TTC8: variants seen among roughly 807,000 people sequenced by gnomAD.
TTC8 encodes the protein tetratricopeptide repeat protein 8.
In TTC8, 47 loss-of-function variants were observed where a neutral mutation model predicts 72.5. The observed-to-expected ratio is 0.65, with a 90% CI of 0.51 to 0.83. The LOEUF (loss-of-function observed/expected upper bound fraction) is 0.83, where lower values mean the gene tolerates loss of function less well. Ranked by LOEUF, TTC8 falls within the 40% of genes least tolerant of loss-of-function variation. The probability of loss-of-function intolerance (pLI) is 0.00; values close to 1 mark genes in which losing one functional copy is unlikely to be tolerated. For synonymous variants in TTC8, 199 were observed against 221.4 expected (o/e 0.90, Z 0.90); for missense variants, 611 against 623.2 (o/e 0.98, Z 0.21).
rs188589088 is a variant in TTC8, at chr14:88,833,525, T to C, written c.115-168T>C. Among the ~76,000 whole-genome samples, 66 of 152,374 alleles carry C rather than the reference T, an allele frequency of 4.3e-4. No individual in the cohort carries two copies. The East Asian group carries it at 9.8e-3, about 23-fold the overall frequency. The stretch of plus-strand genomic sequence containing the variant: ...TTTAGCATTCTTCAATGTATATTCA[T>C]TTTACACAACTCTTGAGAACACTTC... On this transcript the variant is annotated intron_variant, in intron 1 of 14. Coordinates refer to ENST00000380656, the MANE Select transcript of TTC8 (RefSeq NM_144596.4).
rs985378079 is a variant in TTC8, at chr14:88,841,041, A to G, written c.334A>G (p.Ile112Val). 2 of 1,614,096 alleles carry G rather than the reference A, an allele frequency of 1.2e-6. No individual in the cohort carries two copies. Among genetic ancestry groups the G allele is most frequent in the Non-Finnish European group, 1.7e-6 (2 of 1,179,988 alleles). ...AACAATTTATAATCTTCACAGGCCA[A>G]TCACACAAGCTGGAAGACCCATTAC... The part of the protein sequence containing the change: ...TGGPSQAVRP[I>V]TQAGRPITGF... Residue 112 changes from isoleucine (I) to valine (V), a missense_variant, in exon 5 of 15, where the codon ATC (isoleucine) becomes GTC (valine). Physicochemically the swap from Ile to Val is conservative, Grantham distance 29. Coordinates refer to ENST00000380656, the MANE Select transcript of TTC8 (RefSeq NM_144596.4).
chr14:88,876,272 A>C (rs2094957030), intron 14 of TTC8, among the ~76,000 whole-genome samples: 1 of 152,212 alleles, frequency 6.6e-6, no homozygotes, highest in South Asian at 2.1e-4. Flanking sequence ...AAAAGGCTGC[A>C]CTTCCATAAC....
intron 9 of TTC8, among the ~76,000 whole-genome samples, chr14:88,859,744 G>A (rs1012501855): frequency 1.3e-5 from 2 of 148,250 alleles, no homozygotes; most frequent in Admixed American, 6.9e-5. Flanking sequence ...ACAACATAGT[G>A]AGACTCATCT....
intron 9 of TTC8, among the ~76,000 whole-genome samples, chr14:88,858,639 G>A (rs543374050): frequency 1.3e-5 from 2 of 151,898 alleles, no homozygotes; most frequent in South Asian, 4.2e-4. Flanking sequence ...TGTCACCCAG[G>A]CTGGAGTGCA....
At chr14:88,830,914 C>G (rs993343398) in intron 1 of TTC8, 4 of 456,072 alleles carry the variant, frequency 8.8e-6, no homozygotes, top group Non-Finnish European at 1.3e-5. Context: ...CATGCCTGTC[C>G]TTGGTCTCTC....
At chr14:88,843,711 C>T in intron 6 of TTC8, 95 bp from the exon 7 acceptor site, 2 of 796,278 alleles carry the variant, frequency 2.5e-6, no homozygotes, top group Non-Finnish European at 2.0e-6. Context: ...ATGGATAGGC[C>T]CTTTTATCTA....
At position 88,824,838 on chromosome 14, in the gene TTC8, G is replaced by A; in HGVS notation, c.114+17G>A. 1 of 1,599,446 alleles carries A rather than the reference G, an allele frequency of 6.3e-7. No individual in the cohort carries two copies. Among genetic ancestry groups the A allele is most frequent in the East Asian group, 2.2e-5 (1 of 44,676 alleles). On this transcript the variant is annotated intron_variant, in intron 1 of 14. Coordinates refer to ENST00000380656, the MANE Select transcript of TTC8 (RefSeq NM_144596.4). Reference sequence around the variant, plus strand: ...TATGACCAGGTACCGGCCAGCTCCCGTCAGCCTGTGCATCCTGACGCTGAG... The same window carrying A: ...TATGACCAGGTACCGGCCAGCTCCCATCAGCCTGTGCATCCTGACGCTGAG...
In TTC8 at chr14:88,832,958, C is replaced by T. The variant is rs143595137; in HGVS notation, c.115-735C>T. 1.9e-4 allele frequency among the ~76,000 whole-genome samples: 29 copies of T among 152,270 alleles called. No individual in the cohort carries two copies. In the East Asian group the frequency reaches 2.9e-3, roughly 15 times the overall value. On this transcript the variant is annotated intron_variant, in intron 1 of 14. Transcript: ENST00000380656. ...CTTTTCCTCTCATGTTCCTACCATG[C>T]GTCATGTTAAATAAATTACCTGTCC... is the stretch of plus-strand genomic sequence containing the variant.
chr14:88,839,328 T>G, intron 2 of TTC8, 124 bp from the exon 3 acceptor site: 1 of 945,130 alleles, frequency 1.1e-6, no homozygotes, highest in Non-Finnish European at 1.5e-6. Flanking sequence ...TAAAATAATG[T>G]GTTAAGAGGT....
chr14:88,879,707 T>C (rs1164532424), downstream of TTC8: 1 of 150,668 alleles, frequency 6.6e-6, no homozygotes, highest in Non-Finnish European at 1.5e-5. Flanking sequence ...ATGACAGTCT[T>C]GCTCGGTCGC....
chr14:88,837,048 C>A, intron 2 of TTC8: 1 of 273,066 alleles, frequency 3.7e-6, no homozygotes, highest in Non-Finnish European at 7.3e-6. Flanking sequence ...GCAACAAGAG[C>A]AAAACTCCAT....
At chr14:88,833,036 A>G (rs2094733598) in intron 1 of TTC8, among the ~76,000 whole-genome samples, 1 of 152,246 alleles carries the variant, frequency 6.6e-6, no homozygotes, top group Non-Finnish European at 1.5e-5. Flanking sequence ...ATATATTCTT[A>G]AAAAATATTT....
At chr14:88,838,241 A>T (rs2094762349) in intron 2 of TTC8, among the ~76,000 whole-genome samples, 2 of 152,138 alleles carry the variant, frequency 1.3e-5, no homozygotes, top group Admixed American at 1.3e-4. Flanking sequence ...CACCTGTCAT[A>T]TTTCACCCAG....
At chr14:88,853,636 C>A (rs546936260) in intron 8 of TTC8, among the ~76,000 whole-genome samples, 1 of 152,170 alleles carries the variant, frequency 6.6e-6, no homozygotes, top group South Asian at 2.1e-4. Flanking sequence ...TTTGAGCTCC[C>A]TTTCTGACGC....
At chr14:88,868,999 GT>G (rs2094922415) in intron 10 of TTC8, among the ~76,000 whole-genome samples, 1 of 152,114 alleles carries the variant, frequency 6.6e-6, no homozygotes, top group Admixed American at 6.6e-5. Context: ...TAAAAATTCT[GT>G]TTAAAAAAAG....
intron 10 of TTC8, among the ~76,000 whole-genome samples, chr14:88,866,417 A>G (rs983915833): frequency 5.6e-5 from 8 of 142,926 alleles, no homozygotes; most frequent in East Asian, 2.0e-4. Context: ...ACACACACGC[A>G]CACACAAATT....
chr14:88,846,855 C>A (rs1387283197), intron 7 of TTC8: 5 of 386,838 alleles, frequency 1.3e-5, no homozygotes, highest in Admixed American at 9.4e-5. Context: ...CAGCAAAATC[C>A]TTTTCTTCAA....
chr14:88,855,914 T>C (rs2141004667), intron 8 of TTC8, among the ~76,000 whole-genome samples: 1 of 152,202 alleles, frequency 6.6e-6, no homozygotes, highest in East Asian at 1.9e-4. Flanking sequence ...GATCCTGTCT[T>C]TACCGAAACA....
intron 10 of TTC8, among the ~76,000 whole-genome samples, chr14:88,862,017 A>G (rs1458540166): frequency 6.6e-6 from 1 of 152,100 alleles, no homozygotes; most frequent in Non-Finnish European, 1.5e-5. Flanking sequence ...GCTGGATCAT[A>G]TGGTAGGTCT....
Sources: gnomAD v4.1 joint callset for allele counts (sites outside exome capture counted in the v4.1 genomes callset) on GRCh38, gnomAD v4.1.1 for gene constraint, MANE v1.5 for transcripts, NCBI Gene and HGNC (gene_info 2026-07-23, HGNC 2026-07-21) for gene names.